The following SORCS2 variants were observed in gnomAD, a reference collection of about 807,000 sequenced individuals.
SORCS2 encodes sortilin related VPS10 domain containing receptor 2, also known as VPS10 domain-containing receptor SorCS2.
In SORCS2, 100 loss-of-function variants were observed where a neutral mutation model predicts 141.6. The ratio of observed to expected loss-of-function variants is 0.71; its 90% CI spans 0.60 to 0.83. The LOEUF (loss-of-function observed/expected upper bound fraction) is 0.83, where lower values mean the gene tolerates loss of function less well. Among genes scored for constraint, SORCS2 ranks in the 40% least tolerant of loss-of-function variants. The pLI is 0.00. For missense variants in SORCS2, 1,646 were observed against 1,560.2 expected, an observed-to-expected ratio of 1.05 and a Z score of -0.93; for synonymous variants, 789 against 676.9, an observed-to-expected ratio of 1.17 and a Z score of -2.57.
At chr4:7,421,596 G>T (rs1726062968) in intron 2 of SORCS2, among the ~76,000 whole-genome samples, 2 of 149,484 alleles carry the variant, frequency 1.3e-5, no homozygotes, top group Admixed American at 6.6e-5. Flanking sequence ...GAGTGTGGGG[G>T]GTGAGGTTCT....
At chr4:7,710,081 G>T (rs948394820) in intron 14 of SORCS2, among the ~76,000 whole-genome samples, 4 of 152,188 alleles carry the variant, frequency 2.6e-5, no homozygotes, top group African/African-American at 9.7e-5. Flanking sequence ...ACATGCAGGG[G>T]GTTAATTAGT....
chr4:7,304,819 G>A (rs535895223), intron 1 of SORCS2, among the ~76,000 whole-genome samples: 1 of 152,330 alleles, frequency 6.6e-6, no homozygotes, highest in Non-Finnish European at 1.5e-5. Context: ...CCCATTCATT[G>A]CTTCCTGCTC....
intron 12 of SORCS2, 117 bp downstream of exon 12, chr4:7,697,391 C>T (rs1169873488): frequency 2.3e-6 from 2 of 869,152 alleles, no homozygotes; most frequent in Non-Finnish European, 3.5e-6. Flanking sequence ...AGCTCTGAGC[C>T]ATGTCTCCCA....
chr4:7,262,205 TCCAC>T (rs1302185371), intron 1 of SORCS2, among the ~76,000 whole-genome samples: 3 of 113,154 alleles, frequency 2.7e-5, no homozygotes, highest in South Asian at 3.3e-4. Context: ...TATCCATCCA[TCCAC>T]CCACCCACCC....
At chr4:7,315,404 A>G (rs569000488) in intron 1 of SORCS2, among the ~76,000 whole-genome samples, 4 of 152,384 alleles carry the variant, frequency 2.6e-5, no homozygotes, top group East Asian at 1.9e-4. Flanking sequence ...GGCTCTGGCC[A>G]ATGGCCAGGC....
intron 1 of SORCS2, among the ~76,000 whole-genome samples, chr4:7,267,960 A>G (rs1383217943): frequency 6.6e-6 from 1 of 152,258 alleles, no homozygotes; most frequent in African/African-American, 2.4e-5. Flanking sequence ...CTTTATGCTC[A>G]GGGAAGTCTG....
intron 2 of SORCS2, among the ~76,000 whole-genome samples, chr4:7,510,231 G>A (rs887573266): frequency 3.3e-5 from 5 of 152,242 alleles, no homozygotes; most frequent in African/African-American, 9.6e-5. Context: ...GGAGCGGCCG[G>A]CGGGGCTGAG....
At chr4:7,574,326 A>G (rs1337800849) in intron 3 of SORCS2, among the ~76,000 whole-genome samples, 1 of 152,210 alleles carries the variant, frequency 6.6e-6, no homozygotes, top group Non-Finnish European at 1.5e-5. Context: ...TGCAGTGAAG[A>G]GAGGTACTCC....
At chr4:7,274,723 G>A (rs957966400) in intron 1 of SORCS2, among the ~76,000 whole-genome samples, 40 of 152,200 alleles carry the variant, frequency 2.6e-4, no homozygotes, top group African/African-American at 9.4e-4. Flanking sequence ...AAACCATGTC[G>A]AGAAGGTTTG....
At chr4:7,200,114 C>G (rs545265921) in intron 1 of SORCS2, among the ~76,000 whole-genome samples, 3 of 152,074 alleles carry the variant, frequency 2.0e-5, no homozygotes, top group Admixed American at 2.0e-4. Context: ...GATCCCCCCT[C>G]GCTGGAAGTG....
chr4:7,685,688 A>AATATATATATATAT (rs5855976), intron 10 of SORCS2, among the ~76,000 whole-genome samples: 1 of 149,606 alleles, frequency 6.7e-6, no homozygotes, highest in African/African-American at 2.5e-5. Flanking sequence ...AAAATAAATA[A>AATATATATATATAT]ATATATATAT....
At chr4:7,435,577 C>T (rs934058247) in intron 2 of SORCS2, among the ~76,000 whole-genome samples, 14 of 152,186 alleles carry the variant, frequency 9.2e-5, no homozygotes, top group South Asian at 2.1e-4. Flanking sequence ...CGAGCCCAGC[C>T]GGTCTCTTCA....
intron 3 of SORCS2, among the ~76,000 whole-genome samples, chr4:7,541,433 A>G (rs550891386): frequency 3.9e-5 from 6 of 152,188 alleles, no homozygotes; most frequent in Non-Finnish European, 8.8e-5. Flanking sequence ...GCATTTGCAA[A>G]TTGAGATCAT....
At chr4:7,703,227 C>T in intron 12 of SORCS2, 53 bp from the exon 13 acceptor site, 3 of 1,472,198 alleles carry the variant, frequency 2.0e-6, no homozygotes, top group Non-Finnish European at 1.8e-6. Flanking sequence ...CAGCCTGGAA[C>T]AACCTCCGAC....
At chr4:7,515,096 C>A (rs1219534591) in intron 2 of SORCS2, among the ~76,000 whole-genome samples, 4 of 152,176 alleles carry the variant, frequency 2.6e-5, no homozygotes, top group Admixed American at 6.5e-5. Context: ...GGAAGGGGAC[C>A]CACCACATCC....
chr4:7,485,774 G>A (rs781655174), intron 2 of SORCS2, among the ~76,000 whole-genome samples: 10 of 152,316 alleles, frequency 6.6e-5, no homozygotes, highest in South Asian at 4.1e-4. Context: ...GGGCCCAGGG[G>A]AGCCCGATGA....
At chr4:7,719,575 A>C (rs914249295) in intron 18 of SORCS2, among the ~76,000 whole-genome samples, 3 of 152,176 alleles carry the variant, frequency 2.0e-5, no homozygotes, top group Admixed American at 2.0e-4. Flanking sequence ...GATGGGGCCT[A>C]GGACCCACAC....
intron 2 of SORCS2, among the ~76,000 whole-genome samples, chr4:7,513,326 A>G (rs1410176802): frequency 6.6e-6 from 1 of 151,184 alleles, no homozygotes; most frequent in Non-Finnish European, 1.5e-5. Context: ...ACAGCTGGCA[A>G]AGCACCTGCC....
intron 5 of SORCS2, among the ~76,000 whole-genome samples, chr4:7,659,409 G>A (rs768756897): frequency 2.0e-5 from 3 of 152,140 alleles, no homozygotes; most frequent in Non-Finnish European, 2.9e-5. Flanking sequence ...GTATGAAGCC[G>A]TGACCCTAGG....
Sources: gnomAD v4.1 joint callset for allele counts (sites outside exome capture counted in the v4.1 genomes callset) on GRCh38, gnomAD v4.1.1 for gene constraint, MANE v1.5 for transcripts, NCBI Gene and HGNC (gene_info 2026-07-23, HGNC 2026-07-21) for gene names.